GFRA1: variants seen among roughly 807,000 people sequenced by gnomAD.
GFRA1 encodes GDNF family receptor alpha 1.
GFRA1 carries 16 observed loss-of-function variants against 51.6 expected under a neutral mutation model. The ratio of observed to expected loss-of-function variants is 0.31; its 90% confidence interval spans 0.21 to 0.47. The LOEUF (loss-of-function observed/expected upper bound fraction) is 0.47. Among genes scored for constraint, GFRA1 ranks in the 20% least tolerant of loss-of-function variants. The probability of loss-of-function intolerance (pLI) is 1.00; values close to 1 mark genes in which losing one functional copy is unlikely to be tolerated. For missense variants in GFRA1, 530 were observed against 594.3 expected (o/e 0.89, Z 1.13); for synonymous variants, 270 against 241.3 (o/e 1.12, Z -1.10).
At chr10:116,213,497 C>G (rs1965351131) in intron 4 of GFRA1, among the ~76,000 whole-genome samples, 1 of 152,188 alleles carries the variant, frequency 6.6e-6, no homozygotes, top group South Asian at 2.1e-4. Flanking sequence ...CACCTTTTTA[C>G]ATTTTATGCA....
intron 6 of GFRA1, among the ~76,000 whole-genome samples, chr10:116,111,876 C>G (rs1486045916): frequency 6.6e-6 from 1 of 152,212 alleles, no homozygotes; most frequent in African/African-American, 2.4e-5. Context: ...CCTGAGCCCA[C>G]CCTTCCCCAC....
chr10:116,207,807 A>G (rs1964897778), intron 5 of GFRA1, among the ~76,000 whole-genome samples: 1 of 152,142 alleles, frequency 6.6e-6, no homozygotes, highest in South Asian at 2.1e-4. Context: ...CAAAGCGAGC[A>G]GAAAGTGAGC....
chr10:116,108,296 C>T (rs1485873881), intron 6 of GFRA1, among the ~76,000 whole-genome samples: 1 of 152,194 alleles, frequency 6.6e-6, no homozygotes, highest in Non-Finnish European at 1.5e-5. Flanking sequence ...TTCCTAATAT[C>T]TTCCTTCTTA....
intron 5 of GFRA1, among the ~76,000 whole-genome samples, chr10:116,141,253 C>T (rs991896215): frequency 7.2e-5 from 11 of 152,224 alleles, no homozygotes; most frequent in South Asian, 2.1e-4. Flanking sequence ...AATGCAGGTA[C>T]GTGATGTTTA....
At position 116,064,331 on chromosome 10, in the gene GFRA1, G is replaced by T; in HGVS notation, c.*67C>A. The T allele has an allele frequency of 1.4e-6, 2 of 1,390,076 alleles. No homozygotes were observed. Among genetic ancestry groups the T allele is most frequent in the Non-Finnish European group, 2.0e-6 (2 of 986,858 alleles). 86.1% of individuals were successfully genotyped at this position (1,390,076 alleles called of 1,614,324 possible). On this transcript the variant is annotated 3_prime_UTR_variant, in exon 11 of 11. Transcript: ENST00000355422. ...CTAAACTGGAATTTCAGCTATACAA[G>T]AGAACAGGAAACAGATAACTTGGTT...
intron 5 of GFRA1, among the ~76,000 whole-genome samples, chr10:116,193,183 T>G (rs186663451): frequency 3.4e-4 from 52 of 152,288 alleles, no homozygotes; most frequent in African/African-American, 1.1e-3. Context: ...TGAGGCATTT[T>G]AAGAGCAATT....
intron 6 of GFRA1, 72 bp downstream of exon 6, chr10:116,125,149 C>A (rs1471937267): frequency 1.9e-5 from 25 of 1,327,816 alleles, no homozygotes; most frequent in Middle Eastern, 3.8e-4. Flanking sequence ...GAAAAGGGAG[C>A]TTGGCAGCCG....
At chr10:116,135,525 T>G (rs189349524) in intron 5 of GFRA1, among the ~76,000 whole-genome samples, 1 of 152,346 alleles carries the variant, frequency 6.6e-6, no homozygotes, top group African/African-American at 2.4e-5. Flanking sequence ...TGGCACAATT[T>G]AGTTATTTCT....
intron 9 of GFRA1, among the ~76,000 whole-genome samples, chr10:116,067,730 A>T (rs1955178953): frequency 6.6e-6 from 1 of 152,186 alleles, no homozygotes; most frequent in Non-Finnish European, 1.5e-5. Context: ...CTCGGCCTGC[A>T]TAGGTAGATT....
At chr10:116,213,134 A>G (rs1357804190) in intron 4 of GFRA1, among the ~76,000 whole-genome samples, 2 of 152,232 alleles carry the variant, frequency 1.3e-5, no homozygotes, top group East Asian at 3.8e-4. Context: ...TTAAATATGC[A>G]TTCCTTGGCC....
At chr10:116,123,594 T>A (rs1476324927) in intron 6 of GFRA1, among the ~76,000 whole-genome samples, 1 of 152,214 alleles carries the variant, frequency 6.6e-6, no homozygotes, top group Non-Finnish European at 1.5e-5. Flanking sequence ...GACATTATTT[T>A]TTCTGCTCTT....
At chr10:116,267,020 A>AGT (rs1454578937) in intron 4 of GFRA1, among the ~76,000 whole-genome samples, 1 of 152,208 alleles carries the variant, frequency 6.6e-6, no homozygotes, top group Admixed American at 6.5e-5. Flanking sequence ...GCACACCTGT[A>AGT]GTCCCAGCTA....
chr10:116,091,988 A>G (rs552207440), intron 8 of GFRA1, among the ~76,000 whole-genome samples: 2 of 152,364 alleles, frequency 1.3e-5, no homozygotes, highest in Admixed American at 6.5e-5. Context: ...TCCAGCCAGC[A>G]TGAGCAAAAT....
chr10:116,065,306 TG>T (rs1424401116), intron 10 of GFRA1, among the ~76,000 whole-genome samples: 4 of 152,176 alleles, frequency 2.6e-5, no homozygotes, highest in African/African-American at 9.7e-5. Flanking sequence ...TTTACATGAC[TG>T]TGATCACAGA....
chr10:116,147,323 G>C (rs1000125996), intron 5 of GFRA1, among the ~76,000 whole-genome samples: 1 of 152,162 alleles, frequency 6.6e-6, no homozygotes, highest in Non-Finnish European at 1.5e-5. Context: ...GGAGTAGTAG[G>C]AGGGGCAGCC....
rs543234192 is a variant in GFRA1 at position 116,184,271 on chromosome 10, G to A, written c.433+27360C>T. On this transcript the variant is annotated intron_variant, in intron 5 of 10. Transcript: ENST00000355422. ...GAGCTGCCCACCAAAGCCTCCAGAT[G>A]GCATAGGGGAGGCCTCAAATGTTAT... 5.3e-5 allele frequency among the ~76,000 whole-genome samples: 8 copies of A among 152,344 alleles called. No individual in the cohort carries two copies. The East Asian group carries it at 1.5e-3, about 29-fold the overall frequency.
At chr10:116,181,927 G>A (rs1962269034) in intron 5 of GFRA1, among the ~76,000 whole-genome samples, 1 of 152,236 alleles carries the variant, frequency 6.6e-6, no homozygotes, top group Non-Finnish European at 1.5e-5. Context: ...ACAGGCGTGA[G>A]CCACTGGACC....
intron 5 of GFRA1, among the ~76,000 whole-genome samples, chr10:116,161,898 T>C (rs1290870776): frequency 2.6e-5 from 4 of 152,210 alleles, no homozygotes; most frequent in East Asian, 1.9e-4. Context: ...TATAGGCCAA[T>C]GTTCAAATGG....
chr10:116,122,268 C>T (rs138204005), intron 6 of GFRA1, among the ~76,000 whole-genome samples: 2 of 152,310 alleles, frequency 1.3e-5, no homozygotes, highest in African/African-American at 4.8e-5. Flanking sequence ...CCACTAGTCC[C>T]ACCATCCAGC....
Sources: allele counts gnomAD v4.1 joint callset (sites outside exome capture counted in the v4.1 genomes callset), GRCh38; gene constraint gnomAD v4.1.1; transcripts MANE v1.5; gene names NCBI Gene and HGNC (gene_info 2026-07-23, HGNC 2026-07-21).